Variants in CCDC192 observed in about 807,000 individuals in gnomAD.
CCDC192 encodes the protein coiled-coil domain containing 192.
chr5:127,795,904 C>T (rs1477534076), intron 3 of CCDC192, among the ~76,000 whole-genome samples: 2 of 152,284 alleles, frequency 1.3e-5, no homozygotes, highest in South Asian at 2.1e-4. Flanking sequence ...AGGAGTTAAA[C>T]ACATGTTGGT....
At chr5:127,810,406 G>A (rs776283523) in intron 5 of CCDC192, among the ~76,000 whole-genome samples, 2 of 152,124 alleles carry the variant, frequency 1.3e-5, no homozygotes, top group African/African-American at 2.4e-5. Context: ...CTGGTCATAC[G>A]TGGAAGTGGT....
At chr5:127,885,179 C>G (rs539877487) in intron 6 of CCDC192, among the ~76,000 whole-genome samples, 1 of 151,964 alleles carries the variant, frequency 6.6e-6, no homozygotes, top group Non-Finnish European at 1.5e-5. Context: ...CAAGCACCAG[C>G]TAAATGTCAG....
intron 2 of CCDC192, among the ~76,000 whole-genome samples, chr5:127,743,464 C>T (rs183519095): frequency 1.7e-3 from 261 of 152,246 alleles, no homozygotes; most frequent in African/African-American, 5.3e-3. Flanking sequence ...AATGTTGAGA[C>T]GCAGACAAAT....
intron 6 of CCDC192, among the ~76,000 whole-genome samples, chr5:127,880,299 G>T (rs1173039319): frequency 6.6e-6 from 1 of 152,094 alleles, no homozygotes; most frequent in African/African-American, 2.4e-5. Context: ...CATGTCCTTT[G>T]TAGGGACATG....
At chr5:127,835,327 T>C (rs1749987671) in intron 5 of CCDC192, among the ~76,000 whole-genome samples, 1 of 152,184 alleles carries the variant, frequency 6.6e-6, no homozygotes, top group Admixed American at 6.5e-5. Context: ...TTTCCCAAAT[T>C]CACTCTGATA....
chr5:127,915,229 A>T (rs1169661584), intron 6 of CCDC192, among the ~76,000 whole-genome samples: 3 of 152,170 alleles, frequency 2.0e-5, no homozygotes, highest in Non-Finnish European at 4.4e-5. Flanking sequence ...CAATGCACAT[A>T]CCTTAATTTT....
chr5:127,874,560 A>G (rs1390759356), intron 5 of CCDC192, among the ~76,000 whole-genome samples: 1 of 152,200 alleles, frequency 6.6e-6, no homozygotes, highest in East Asian at 1.9e-4. Flanking sequence ...CTGCCTGAGT[A>G]TAGTGCCTTC....
At chr5:127,906,650 G>T (rs1209202043) in intron 6 of CCDC192, among the ~76,000 whole-genome samples, 1 of 151,998 alleles carries the variant, frequency 6.6e-6, no homozygotes, top group Non-Finnish European at 1.5e-5. Flanking sequence ...GCCAGGCATG[G>T]TGGCACATGT....
At chr5:127,739,185 T>TGG (rs1753233746) in intron 2 of CCDC192, among the ~76,000 whole-genome samples, 2 of 152,074 alleles carry the variant, frequency 1.3e-5, no homozygotes. Context: ...TGGAATACCC[T>TGG]GCCGTGTGAG....
chr5:127,722,453 T>C (rs780584870), intron 2 of CCDC192, among the ~76,000 whole-genome samples: 9 of 152,064 alleles, frequency 5.9e-5, no homozygotes, highest in Non-Finnish European at 1.3e-4. Flanking sequence ...TACAGAAGCT[T>C]TTTAATGTCA....
intron 3 of CCDC192, 117 bp downstream of exon 3, chr5:127,754,492 C>G: frequency 3.8e-6 from 1 of 264,390 alleles, no homozygotes. Context: ...CACACACACA[C>G]ATACACACAC....
chr5:127,934,769 G>A (rs1361649661), intron 6 of CCDC192, among the ~76,000 whole-genome samples: 14 of 152,192 alleles, frequency 9.2e-5, no homozygotes, highest in South Asian at 2.1e-4. Flanking sequence ...AATTTAAGTG[G>A]GAGGGATATA....
intron 5 of CCDC192, among the ~76,000 whole-genome samples, chr5:127,840,359 A>G (rs896098003): frequency 6.6e-6 from 1 of 152,188 alleles, no homozygotes; most frequent in Non-Finnish European, 1.5e-5. Flanking sequence ...CCTAATATTT[A>G]TTGAGTAACC....
At chr5:127,925,739 C>G (rs1753845206) in intron 6 of CCDC192, among the ~76,000 whole-genome samples, 1 of 152,220 alleles carries the variant, frequency 6.6e-6, no homozygotes, top group Non-Finnish European at 1.5e-5. Flanking sequence ...CACTTCAACT[C>G]TGCTATTGCT....
intron 2 of CCDC192, among the ~76,000 whole-genome samples, chr5:127,709,198 AGG>A (rs796107475): frequency 2.8e-5 from 2 of 71,324 alleles, no homozygotes; most frequent in African/African-American, 1.1e-4. Flanking sequence ...AGGTGGAGAG[AGG>A]GGGAGAGAGA....
chr5:127,858,800 A>G (rs1166436287), intron 5 of CCDC192, among the ~76,000 whole-genome samples: 1 of 152,224 alleles, frequency 6.6e-6, no homozygotes, highest in Non-Finnish European at 1.5e-5. Context: ...AAAGGGACAA[A>G]ATCAAGTACA....
At chr5:127,731,894 T>G (rs1752659655) in intron 2 of CCDC192, among the ~76,000 whole-genome samples, 1 of 152,056 alleles carries the variant, frequency 6.6e-6, no homozygotes, top group Non-Finnish European at 1.5e-5. Flanking sequence ...AACCCAAAAC[T>G]ATAACATCCC....
chr5:127,828,790 T>A (rs531302869), intron 5 of CCDC192, among the ~76,000 whole-genome samples: 25 of 152,272 alleles, frequency 1.6e-4, no homozygotes, highest in African/African-American at 5.8e-4. Context: ...TTATATTTAG[T>A]CCCTTGAAAA....
intron 5 of CCDC192, among the ~76,000 whole-genome samples, chr5:127,802,161 G>T (rs750365653): frequency 6.6e-6 from 1 of 152,112 alleles, no homozygotes; most frequent in South Asian, 2.1e-4. Flanking sequence ...TTATATATCC[G>T]TTACCCACTA....
Sources: gnomAD v4.1 joint callset for allele counts (sites outside exome capture counted in the v4.1 genomes callset) on GRCh38, gnomAD v4.1.1 for gene constraint, MANE v1.5 for transcripts, NCBI Gene and HGNC (gene_info 2026-07-23, HGNC 2026-07-21) for gene names.